Variants in ZBTB20 observed in about 807,000 individuals in gnomAD.
The protein encoded by ZBTB20 is zinc finger and BTB domain containing 20.
In ZBTB20, 9 loss-of-function variants were observed where a neutral mutation model predicts 56.9. That is an observed-to-expected ratio of 0.16 (90% CI 0.10 to 0.28). ZBTB20 has a LOEUF of 0.28. ZBTB20 is among the 10% of genes least tolerant of loss of function. The probability of loss-of-function intolerance (pLI) is 1.00; values close to 1 mark genes in which losing one functional copy is unlikely to be tolerated. For missense variants in ZBTB20, 655 were observed against 1,003.0 expected (o/e 0.65, Z 4.69); for synonymous variants, 417 against 420.7 (o/e 0.99, Z 0.11).
intron 6 of ZBTB20, among the ~76,000 whole-genome samples, chr3:114,501,481 C>A (rs537733680): frequency 1.3e-5 from 2 of 151,584 alleles, no homozygotes; most frequent in South Asian, 4.2e-4. Flanking sequence ...CAAAAATTAG[C>A]CAGGCATGGT....
chr3:114,495,408 C>T (rs2043176624), intron 7 of ZBTB20, among the ~76,000 whole-genome samples: 1 of 151,950 alleles, frequency 6.6e-6, no homozygotes, highest in South Asian at 2.1e-4. Flanking sequence ...GAAAAGGTTA[C>T]TATGGGCATG....
Position 114,332,489 on chromosome 3 carries a change from C to T in ZBTB20, c.*6516G>A, listed in dbSNP as rs1424773881. ...ATGTCTATTTTACATTCAGCCCCAACCTACGTCACTGAAATAGAATAGGAA... is the reference window on the plus strand; with the variant it reads ...ATGTCTATTTTACATTCAGCCCCAATCTACGTCACTGAAATAGAATAGGAA... On this transcript the variant is annotated 3_prime_UTR_variant, in exon 12 of 12. Coordinates refer to ENST00000675478, the MANE Select transcript of ZBTB20 (RefSeq NM_001348800.3). 6.6e-6 allele frequency: 1 copy of T among 152,186 alleles called. No individual in the cohort carries two copies. The highest frequency in any genetic ancestry group is 2.4e-5 in the African/African-American group (1 of 41,446). 9.4% of individuals were successfully genotyped at this position (152,186 alleles called of 1,614,324 possible).
intron 6 of ZBTB20, among the ~76,000 whole-genome samples, chr3:114,648,275 T>C (rs1035651795): frequency 6.6e-6 from 1 of 151,918 alleles, no homozygotes; most frequent in African/African-American, 2.4e-5. Flanking sequence ...ATGTTATACA[T>C]AATAATAATA....
chr3:114,649,807 A>C (rs1476225685), intron 6 of ZBTB20, among the ~76,000 whole-genome samples: 1 of 152,014 alleles, frequency 6.6e-6, no homozygotes, highest in Non-Finnish European at 1.5e-5. Flanking sequence ...TAAAAGCATA[A>C]GCTAAATGAG....
At chr3:114,950,105 C>T (rs1009261080) in intron 3 of ZBTB20, among the ~76,000 whole-genome samples, 4 of 152,070 alleles carry the variant, frequency 2.6e-5, no homozygotes, top group South Asian at 2.1e-4. Context: ...CAAGTGTTTT[C>T]GACGAGTAGA....
At chr3:115,072,920 T>A (rs1382998520) in intron 1 of ZBTB20, among the ~76,000 whole-genome samples, 1 of 152,222 alleles carries the variant, frequency 6.6e-6, no homozygotes, top group African/African-American at 2.4e-5. Flanking sequence ...TAGCCTTAGA[T>A]TCCTCATTGG....
chr3:114,449,934 A>AT (rs1241181925), intron 7 of ZBTB20, among the ~76,000 whole-genome samples: 32 of 152,078 alleles, frequency 2.1e-4, no homozygotes, highest in East Asian at 1.9e-4. Context: ...GATTGAGTTA[A>AT]TTTTTTTTCT....
intron 4 of ZBTB20, among the ~76,000 whole-genome samples, chr3:114,897,789 T>G (rs545647289): frequency 6.6e-6 from 1 of 152,226 alleles, no homozygotes; most frequent in East Asian, 1.9e-4. Context: ...GGTAGTTCCA[T>G]GCCTAAAAGT....
chr3:114,427,392 G>A (rs1185533899), intron 7 of ZBTB20, among the ~76,000 whole-genome samples: 2 of 152,106 alleles, frequency 1.3e-5, no homozygotes, highest in East Asian at 1.9e-4. Context: ...TGTCCCTCAC[G>A]GGATCAACTA....
At chr3:115,098,662 A>C (rs1360728322) in intron 1 of ZBTB20, among the ~76,000 whole-genome samples, 2 of 152,196 alleles carry the variant, frequency 1.3e-5, no homozygotes, top group Non-Finnish European at 2.9e-5. Context: ...GAAGAGGTAA[A>C]AAAGTCTTTC....
chr3:115,033,282 G>T (rs541679232), intron 2 of ZBTB20, among the ~76,000 whole-genome samples: 2 of 151,410 alleles, frequency 1.3e-5, no homozygotes, highest in East Asian at 3.9e-4. Flanking sequence ...GAAATTCCTA[G>T]AAAAACAAAA....
intron 2 of ZBTB20, among the ~76,000 whole-genome samples, chr3:115,050,049 A>G (rs2081485167): frequency 6.6e-6 from 1 of 152,070 alleles, no homozygotes; most frequent in African/African-American, 2.4e-5. Flanking sequence ...ACAAGTGTTG[A>G]AAAAAATTCC....
chr3:114,911,658 C>CA (rs2075543982), intron 3 of ZBTB20, among the ~76,000 whole-genome samples: 1 of 151,750 alleles, frequency 6.6e-6, no homozygotes, highest in South Asian at 2.1e-4. Flanking sequence ...ACAGCAGACT[C>CA]AATCATACAG....
At chr3:114,614,871 C>T (rs1038379677) in intron 6 of ZBTB20, among the ~76,000 whole-genome samples, 5 of 152,114 alleles carry the variant, frequency 3.3e-5, no homozygotes, top group African/African-American at 4.8e-5. Context: ...GATTCTCCTG[C>T]CTTAGCCTCC....
chr3:114,992,303 A>G (rs1452704804), intron 2 of ZBTB20, among the ~76,000 whole-genome samples: 2 of 152,026 alleles, frequency 1.3e-5, no homozygotes, highest in Non-Finnish European at 2.9e-5. Context: ...CATACTATGC[A>G]CTTCTATAGA....
intron 7 of ZBTB20, among the ~76,000 whole-genome samples, chr3:114,488,866 T>C (rs2042424820): frequency 6.6e-6 from 1 of 152,176 alleles, no homozygotes; most frequent in Non-Finnish European, 1.5e-5. Context: ...TATACTGAAG[T>C]GCAACGTTGT....
chr3:114,761,843 G>GAAAAAAAAAA (rs796075723), intron 5 of ZBTB20, among the ~76,000 whole-genome samples: 1 of 126,106 alleles, frequency 7.9e-6, no homozygotes, highest in Non-Finnish European at 1.7e-5. Context: ...CAAAAAAAAA[G>GAAAAAAAAAA]AAAAAAAAAA....
At chr3:115,110,548 A>G (rs1186428612) in intron 1 of ZBTB20, among the ~76,000 whole-genome samples, 2 of 152,222 alleles carry the variant, frequency 1.3e-5, no homozygotes, top group African/African-American at 4.8e-5. Flanking sequence ...TGTATGTCCG[A>G]TATGTTTGGT....
chr3:114,940,490 G>T (rs537176073), intron 3 of ZBTB20, among the ~76,000 whole-genome samples: 1 of 144,830 alleles, frequency 6.9e-6, no homozygotes, highest in Non-Finnish European at 1.5e-5. Context: ...TTCATAGATT[G>T]CTGTCATGCA....
Sources: gnomAD v4.1 joint callset for allele counts (sites outside exome capture counted in the v4.1 genomes callset) on GRCh38, gnomAD v4.1.1 for gene constraint, MANE v1.5 for transcripts, NCBI Gene and HGNC (gene_info 2026-07-23, HGNC 2026-07-21) for gene names.